The following ADAMTS2 variants were observed in gnomAD, a reference collection of about 807,000 sequenced individuals.
ADAMTS2 encodes A disintegrin and metalloproteinase with thrombospondin motifs 2.
Under a neutral mutation model 123.0 loss-of-function variants are expected in ADAMTS2, and 50 were observed. The observed-to-expected ratio is 0.41, with a 90% CI of 0.32 to 0.51. The LOEUF (loss-of-function observed/expected upper bound fraction) is 0.51. Ranked by LOEUF, ADAMTS2 falls within the 20% of genes least tolerant of loss-of-function variation. The probability of loss-of-function intolerance (pLI) is 0.35; values close to 1 mark genes in which losing one functional copy is unlikely to be tolerated. For synonymous variants in ADAMTS2, 678 were observed against 695.4 expected (o/e 0.98, Z 0.39); for missense variants, 1,494 against 1,705.2 (o/e 0.88, Z 2.18).
intron 12 of ADAMTS2, 89 bp downstream of exon 12, chr5:179,137,680 C>T (rs1763089259): frequency 6.6e-7 from 1 of 1,504,226 alleles, no homozygotes; most frequent in South Asian, 1.2e-5. Flanking sequence ...CAGCCTTGCC[C>T]CATGCAGGAT....
chr5:179,183,751 G>A lies in ADAMTS2; in HGVS notation c.892-2596C>T, dbSNP rs79720272. 1.8e-3 allele frequency among the ~76,000 whole-genome samples: 269 copies of A among 152,328 alleles called. 2 individuals are homozygous for A. Among genetic ancestry groups the A allele is most frequent in the African/African-American group, 6.1e-3 (255 of 41,594 alleles). ...ACAGGAGAGGAGGGCAGGCCTGCTTGCAAGGCTACTGCAGAGGGGACTCAT... is the reference window on the plus strand; with the variant it reads ...ACAGGAGAGGAGGGCAGGCCTGCTTACAAGGCTACTGCAGAGGGGACTCAT... On this transcript the variant is annotated intron_variant, in intron 4 of 21. Coordinates refer to ENST00000251582, the MANE Select transcript of ADAMTS2 (RefSeq NM_014244.5).
chr5:179,232,289 G>A (rs559199720), intron 3 of ADAMTS2, among the ~76,000 whole-genome samples: 2 of 152,166 alleles, frequency 1.3e-5, no homozygotes, highest in African/African-American at 2.4e-5. Flanking sequence ...GAAGCCACAC[G>A]GGATCCCTGA....
intron 3 of ADAMTS2, among the ~76,000 whole-genome samples, chr5:179,269,824 G>C (rs1766480164): frequency 6.6e-6 from 1 of 152,176 alleles, no homozygotes; most frequent in Non-Finnish European, 1.5e-5. Context: ...AGAGAACAGG[G>C]ATTGGAGATG....
intron 2 of ADAMTS2, among the ~76,000 whole-genome samples, chr5:179,326,787 G>A (rs1371736594): frequency 1.3e-5 from 2 of 152,130 alleles, no homozygotes; most frequent in African/African-American, 2.4e-5. Flanking sequence ...AAGCCCACGT[G>A]TTGGAGCGAG....
chr5:179,137,717 A>AC, intron 12 of ADAMTS2, 52 bp downstream of exon 12: 2 of 632,126 alleles, frequency 3.2e-6, no homozygotes, highest in Non-Finnish European at 5.4e-6. Context: ...CACCCTGCCC[A>AC]CCCTAGGGCC....
intron 6 of ADAMTS2, among the ~76,000 whole-genome samples, chr5:179,156,011 C>T (rs1763462110): frequency 6.6e-6 from 1 of 152,160 alleles, no homozygotes; most frequent in Non-Finnish European, 1.5e-5. Flanking sequence ...ATTTTTTGCT[C>T]TGCAGATTTT....
In ADAMTS2 at chr5:179,175,891, C is replaced by T. The variant is rs1438222819; in HGVS notation, c.975+5181G>A. ...TCCCCAGAGCAGGTTCAGCAGGCTGCGGATCTGCTGAGCAAGAAGCTTCCG... is the reference window on the plus strand; with the variant it reads ...TCCCCAGAGCAGGTTCAGCAGGCTGTGGATCTGCTGAGCAAGAAGCTTCCG... On this transcript the variant is annotated intron_variant, in intron 5 of 21. Coordinates refer to ENST00000251582, the MANE Select transcript of ADAMTS2 (RefSeq NM_014244.5). The surrounding 1 kb of genome is among the most constrained non-coding windows in gnomAD (Gnocchi z 4.1). 6.6e-6 allele frequency among the ~76,000 whole-genome samples: 1 copy of T among 151,958 alleles called. No individual in the cohort carries two copies. Among genetic ancestry groups the T allele is most frequent in the Admixed American group, 6.6e-5 (1 of 15,260 alleles).
intron 3 of ADAMTS2, among the ~76,000 whole-genome samples, chr5:179,212,027 C>T (rs760179424): frequency 1.3e-5 from 2 of 152,234 alleles, no homozygotes; most frequent in Admixed American, 6.5e-5. Flanking sequence ...CTGAGTCCAA[C>T]GTTGTCCACA....
At chr5:179,250,556 A>C (rs904544844) in intron 3 of ADAMTS2, among the ~76,000 whole-genome samples, 3 of 152,210 alleles carry the variant, frequency 2.0e-5, no homozygotes, top group African/African-American at 7.2e-5. Flanking sequence ...TAAACCCACC[A>C]TAAAGGAAAG....
intron 2 of ADAMTS2, among the ~76,000 whole-genome samples, chr5:179,319,274 A>G (rs780145456): frequency 6.6e-6 from 1 of 152,166 alleles, no homozygotes; most frequent in African/African-American, 2.4e-5. Flanking sequence ...TGCACTACAC[A>G]CAAGTACACA....
Position 179,138,612 on chromosome 5 carries a change from G to A in ADAMTS2, c.1776-668C>T, listed in dbSNP as rs140599653. Among the ~76,000 whole-genome samples, 431 of 152,376 alleles carry A rather than the reference G, an allele frequency of 2.8e-3. 3 individuals are homozygous for A. Among genetic ancestry groups the A allele is most frequent in the African/African-American group, 1.0e-2 (414 of 41,596 alleles). On this transcript the variant is annotated intron_variant, in intron 11 of 21. Transcript: ENST00000251582. ...CCGAGTCTGGCGTAAAAGCCCCAGG[G>A]GTGCTTGAGGAGGGGCCACGGGGCT...
intron 2 of ADAMTS2, among the ~76,000 whole-genome samples, chr5:179,274,840 G>A (rs1389486440): frequency 1.3e-5 from 2 of 152,230 alleles, no homozygotes. Flanking sequence ...GCAGGGCCTG[G>A]AGGAACACAG....
At position 179,135,977 on chromosome 5, in the gene ADAMTS2, T is replaced by C. The variant is rs1763061142; in HGVS notation, c.2017A>G (p.Met673Val). Reference protein sequence around the residue: ...ETGEVVSMKRMVHDGTRCSYK... With the variant: ...ETGEVVSMKRVVHDGTRCSYK... ...GAGCAGCGCGTCCCGTCATGCACCA[T>C]GCGCTTCATGGACACCACCTCCCCG... Residue 673 changes from methionine (M) to valine (V), a missense_variant, in exon 13 of 22, where the codon ATG becomes GTG. By Grantham distance (21) the Met-to-Val change is conservative (BLOSUM62 1). This residue lies in a region of ADAMTS2 where 953 missense variants were observed against 1,124.7 expected (regional missense o/e 0.85). Coordinates refer to ENST00000251582, the MANE Select transcript of ADAMTS2 (RefSeq NM_014244.5). 7 of 1,613,412 alleles carry C rather than the reference T, an allele frequency of 4.3e-6. No individual in the cohort carries two copies. Among genetic ancestry groups the C allele is most frequent in the South Asian group, 1.1e-5 (1 of 91,080 alleles).
intron 3 of ADAMTS2, among the ~76,000 whole-genome samples, chr5:179,219,279 A>G (rs1195019076): frequency 2.0e-5 from 3 of 152,148 alleles, no homozygotes; most frequent in African/African-American, 7.2e-5. Context: ...AGGTCCCCAA[A>G]TCCAGCTATG....
intron 10 of ADAMTS2, among the ~76,000 whole-genome samples, chr5:179,149,112 A>G (rs980264507): frequency 2.4e-4 from 36 of 152,124 alleles, no homozygotes; most frequent in African/African-American, 8.4e-4. Flanking sequence ...CAGGTAAGGC[A>G]GTGCTGTGGC....
chr5:179,238,295 C>T (rs1581212055), intron 3 of ADAMTS2, among the ~76,000 whole-genome samples: 1 of 152,318 alleles, frequency 6.6e-6, no homozygotes, highest in East Asian at 1.9e-4. Flanking sequence ...CGGATTCACC[C>T]CCAGCTACTG....
chr5:179,130,097 G>C lies in ADAMTS2; in HGVS notation c.2292C>G (p.Ala764=), dbSNP rs188566209. 1 of 1,613,772 alleles carries C rather than the reference G, an allele frequency of 6.2e-7. No individual in the cohort carries two copies. The highest frequency in any genetic ancestry group is 1.3e-5 in the African/African-American group (1 of 74,930). Residue 764 remains alanine, a splice_region_variant and synonymous_variant, in exon 16 of 22, where the codon GCC becomes GCG. Coordinates refer to ENST00000251582, the MANE Select transcript of ADAMTS2 (RefSeq NM_014244.5). This position sits in a 1 kb window ranked among gnomAD's most constrained non-coding sequence, Gnocchi z 4.3. ...QEVDATSHHL[A]VKNLETGKFI... is the part of the protein sequence containing the mutation. ...ACTTGCCTGTCTCCAGGTTCTTGACGGCTGAGAATGGCAAGACCAAGTCCC... is the reference window on the plus strand; with the variant it reads ...ACTTGCCTGTCTCCAGGTTCTTGACCGCTGAGAATGGCAAGACCAAGTCCC...
rs1203010826 is a variant in ADAMTS2 at position 179,158,049 on chromosome 5, C to T, written c.1132+674G>A. On this transcript the variant is annotated intron_variant, in intron 6 of 21. Transcript: ENST00000251582. This position sits in a 1 kb window ranked among gnomAD's most constrained non-coding sequence, Gnocchi z 5.0. Reference sequence around the variant, plus strand: ...GTGCGATCTCGACTCATTGCAAACTCCGCCTCCCGGGTTCACACCATTCTC... The same window carrying T: ...GTGCGATCTCGACTCATTGCAAACTTCGCCTCCCGGGTTCACACCATTCTC... 2.6e-5 allele frequency among the ~76,000 whole-genome samples: 4 copies of T among 151,914 alleles called. No individual in the cohort carries two copies. Among genetic ancestry groups the T allele is most frequent in the Non-Finnish European group, 4.4e-5 (3 of 67,984 alleles).
chr5:179,244,883 G>A (rs897102567), intron 3 of ADAMTS2, among the ~76,000 whole-genome samples: 15 of 152,058 alleles, frequency 9.9e-5, no homozygotes, highest in African/African-American at 3.4e-4. Context: ...TCTTTTTTCA[G>A]CTTCTTTAAG....
Sources: gnomAD v4.1 joint callset for allele counts (sites outside exome capture counted in the v4.1 genomes callset) on GRCh38, gnomAD v4.1.1 for gene constraint, gnomAD v4.1.1 regional missense constraint, Gnocchi (gnomAD v3.1) non-coding constraint, MANE v1.5 for transcripts, NCBI Gene and HGNC (gene_info 2026-07-23, HGNC 2026-07-21) for gene names.